SCUBE1: variants seen among roughly 807,000 people sequenced by gnomAD.
SCUBE1 encodes the protein signal peptide, CUB domain and EGF like domain containing 1.
Under a neutral mutation model 124.4 loss-of-function variants are expected in SCUBE1, and 59 were observed. That is an observed-to-expected ratio of 0.47 (90% CI 0.38 to 0.59). SCUBE1 has a LOEUF of 0.59. Among genes scored for constraint, SCUBE1 ranks in the 20% least tolerant of loss-of-function variants. The probability of loss-of-function intolerance (pLI) is 0.00; values close to 1 mark genes in which losing one functional copy is unlikely to be tolerated. For missense variants in SCUBE1, 1,150 were observed against 1,371.2 expected, an observed-to-expected ratio of 0.84 and a Z score of 2.55; for synonymous variants, 545 against 550.9, an observed-to-expected ratio of 0.99 and a Z score of 0.15.
chr22:43,256,878 A>G (rs1163715663), intron 6 of SCUBE1, among the ~76,000 whole-genome samples: 4 of 152,172 alleles, frequency 2.6e-5, no homozygotes, highest in African/African-American at 9.7e-5. Flanking sequence ...TGCAATAGAG[A>G]CACTGGTCTG....
At chr22:43,214,062 C>T in intron 16 of SCUBE1, 28 bp downstream of exon 16, 1 of 627,580 alleles carries the variant, frequency 1.6e-6, no homozygotes, top group Non-Finnish European at 2.5e-6. Flanking sequence ...CCCCCCACCC[C>T]CACCTCTCCT....
At chr22:43,297,408 C>A (rs1925603827) in intron 3 of SCUBE1, among the ~76,000 whole-genome samples, 2 of 152,380 alleles carry the variant, frequency 1.3e-5, no homozygotes, top group African/African-American at 4.8e-5. Flanking sequence ...CTGTGCAGTA[C>A]CCAGCATGAG....
At chr22:43,280,766 T>C (rs112619194) in intron 4 of SCUBE1, among the ~76,000 whole-genome samples, 9,249 of 106,508 alleles carry the variant, frequency 0.087, 1,061 homozygotes, top group African/African-American at 0.32. Flanking sequence ...CCTCCCTCAT[T>C]GGCCACCCTC....
At chr22:43,318,658 G>A (rs749782660) in intron 3 of SCUBE1, among the ~76,000 whole-genome samples, 3 of 152,152 alleles carry the variant, frequency 2.0e-5, no homozygotes, top group Non-Finnish European at 2.9e-5. Context: ...CAACTAAGAC[G>A]CCTGCCAATT....
rs1186637459 is a variant in SCUBE1 at position 43,339,354 on chromosome 22, G to A, written c.89-119C>T. The A allele has an allele frequency of 1.5e-5, 14 of 925,566 alleles. No homozygotes were observed. The South Asian group carries it at 2.3e-4, about 16-fold the overall frequency. The allele number at this position is 925,566 out of a possible 1,614,324, so 57.3% of individuals were successfully genotyped here. A position where few individuals can be genotyped will look rare whatever the true frequency, so the allele number is the denominator to read the frequency against. On this transcript the variant is annotated intron_variant, in intron 1 of 21. Coordinates refer to ENST00000360835, the MANE Select transcript of SCUBE1 (RefSeq NM_173050.5). The stretch of plus-strand genomic sequence containing the variant: ...CGTCCATTGATCGGTGGGCTCATTG[G>A]CAATAACAGCTGTCACAGGACAATC...
intron 2 of SCUBE1, among the ~76,000 whole-genome samples, chr22:43,321,021 C>T (rs1203481969): frequency 2.6e-5 from 4 of 152,162 alleles, no homozygotes; most frequent in Non-Finnish European, 4.4e-5. Flanking sequence ...TCATCTCAAC[C>T]GGCAGTCACC....
At chr22:43,312,798 T>G (rs1029759596) in intron 3 of SCUBE1, among the ~76,000 whole-genome samples, 7 of 152,262 alleles carry the variant, frequency 4.6e-5, no homozygotes, top group Non-Finnish European at 1.0e-4. Context: ...GATTTCTGGA[T>G]GCTCTCAGTG....
chr22:43,219,480 C>CTGT (rs777817161), intron 14 of SCUBE1, among the ~76,000 whole-genome samples: 5 of 144,746 alleles, frequency 3.5e-5, no homozygotes, highest in African/African-American at 1.3e-4. Flanking sequence ...AAAACATTTC[C>CTGT]TTTTTTTTTT....
At chr22:43,296,203 G>A (rs971195823) in intron 3 of SCUBE1, among the ~76,000 whole-genome samples, 19 of 152,220 alleles carry the variant, frequency 1.2e-4, no homozygotes, top group Admixed American at 3.3e-4. Context: ...CTCTGTTCGG[G>A]TCCCCACATC....
At chr22:43,297,819 G>A (rs978950037) in intron 3 of SCUBE1, among the ~76,000 whole-genome samples, 2 of 152,150 alleles carry the variant, frequency 1.3e-5, no homozygotes, top group Admixed American at 6.5e-5. Context: ...TGTGTTTCCC[G>A]CAAATATTTC....
chr22:43,303,113 C>T lies in SCUBE1; in HGVS notation c.350-11933G>A, dbSNP rs568821310. Among the ~76,000 whole-genome samples the T allele has an allele frequency of 1.4e-3, 206 of 152,350 alleles. 1 individual carries two copies. Among genetic ancestry groups the T allele is most frequent in the Middle Eastern group, 6.8e-3 (2 of 294 alleles). On this transcript the variant is annotated intron_variant, in intron 3 of 21. Transcript: ENST00000360835. ...AGCATCCATTTCCCAGCCTCGGTAC[C>T]GTCGGAATTCTAACCTTCAGGGACT...
intron 19 of SCUBE1, 144 bp downstream of exon 19, chr22:43,209,899 T>G (rs1348530909): frequency 1.2e-6 from 1 of 805,886 alleles, no homozygotes; most frequent in Non-Finnish European, 1.9e-6. Context: ...GCCTCCCAGG[T>G]GGACTCTGAG....
In SCUBE1 at chr22:43,212,543, C is replaced by A. The variant is rs764735194; in HGVS notation, c.2103G>T (p.Gln701His). Residue 701 changes from glutamine to histidine, a missense_variant, in exon 17 of 22, where the codon CAG becomes CAT. Transcript: ENST00000360835. ...GCTGGTACGTGCCCACGGGGCAGGC[C>A]TGGCAGGGCTTGAAGCCATCGGCCG... ...FFSADGFKPCQACPVGTYQPE... is the reference protein window; with the variant it reads ...FFSADGFKPCHACPVGTYQPE... 6 of 1,564,662 alleles carry A rather than the reference C, an allele frequency of 3.8e-6. No individual in the cohort carries two copies. The highest frequency in any genetic ancestry group is 8.7e-7 in the Non-Finnish European group (1 of 1,155,446).
At chr22:43,337,365 TGGCTTAAA>T (rs900667104) in intron 2 of SCUBE1, among the ~76,000 whole-genome samples, 1 of 152,204 alleles carries the variant, frequency 6.6e-6, no homozygotes, top group Non-Finnish European at 1.5e-5. Flanking sequence ...GCCAGGTCAG[TGGCTTAAA>T]CCAGCAGAGA....
At chr22:43,225,708 T>G (rs1922275937) in intron 10 of SCUBE1, among the ~76,000 whole-genome samples, 1 of 151,824 alleles carries the variant, frequency 6.6e-6, no homozygotes, top group Non-Finnish European at 1.5e-5. Context: ...GGCCAAATGT[T>G]TCTTTCTGAG....
intron 7 of SCUBE1, 148 bp from the exon 8 acceptor site, chr22:43,232,023 G>C (rs2146679486): frequency 1.2e-6 from 1 of 846,176 alleles, no homozygotes; most frequent in African/African-American, 1.7e-5. Flanking sequence ...CTCCCCAGCT[G>C]TGCAGAGGGG....
intron 21 of SCUBE1, among the ~76,000 whole-genome samples, chr22:43,205,984 T>C (rs1601791274): frequency 4.7e-5 from 2 of 42,416 alleles, no homozygotes; most frequent in African/African-American, 1.0e-4. Flanking sequence ...TATTCACACC[T>C]CCACCCCCAC....
chr22:43,208,277 C>T, intron 19 of SCUBE1, 53 bp from the exon 20 acceptor site: 15 of 1,586,686 alleles, frequency 9.5e-6, no homozygotes, highest in Non-Finnish European at 1.2e-5. Flanking sequence ...CTCCTCCTGC[C>T]CTAGGCCACT....
chr22:43,231,721 C>T (rs201848581), intron 8 of SCUBE1, 32 bp downstream of exon 8: 8 of 1,547,996 alleles, frequency 5.2e-6, no homozygotes, highest in East Asian at 2.4e-5. Flanking sequence ...CCGCTGGGCC[C>T]GAGAGCCACC....
Sources: allele counts gnomAD v4.1 joint callset (sites outside exome capture counted in the v4.1 genomes callset), GRCh38; gene constraint gnomAD v4.1.1; transcripts MANE v1.5; gene names NCBI Gene and HGNC (gene_info 2026-07-23, HGNC 2026-07-21).